The following POPDC1 variants were observed in gnomAD, a reference collection of about 807,000 sequenced individuals.
POPDC1 encodes the protein popeye domain cAMP effector 1.
At chr6:105,125,250 T>C in the POPDC1 span, 5 of 943,012 alleles carry the variant, frequency 5.3e-6, no homozygotes, top group South Asian at 4.8e-5. Flanking sequence ...AGTATAGTTG[T>C]AGCAAAAAAT....
chr6:105,119,217 T>A, the POPDC1 span, among the ~76,000 whole-genome samples: 1 of 147,300 alleles, frequency 6.8e-6, no homozygotes, highest in African/African-American at 2.5e-5. Flanking sequence ...AGTGGTAAAG[T>A]GAGCACTTTT....
chr6:105,131,758 G>A, the POPDC1 span, among the ~76,000 whole-genome samples: 2 of 152,148 alleles, frequency 1.3e-5, no homozygotes, highest in East Asian at 1.9e-4. Flanking sequence ...TGTTAGATTT[G>A]ATAATATCTT....
chr6:105,101,725 CAG>C, the POPDC1 span, among the ~76,000 whole-genome samples: 1 of 152,076 alleles, frequency 6.6e-6, no homozygotes, highest in Non-Finnish European at 1.5e-5. Context: ...GCAAAGGAGA[CAG>C]GGGAAGAGGA....
chr6:105,105,647 G>T, the POPDC1 span, among the ~76,000 whole-genome samples: 11 of 152,234 alleles, frequency 7.2e-5, no homozygotes, highest in African/African-American at 2.6e-4. Context: ...GTAAGAACAA[G>T]AAAAAGAGGG....
the POPDC1 span, among the ~76,000 whole-genome samples, chr6:105,108,098 G>A: frequency 1.3e-5 from 2 of 152,140 alleles, no homozygotes; most frequent in Admixed American, 6.5e-5. Context: ...CTAACTACTC[G>A]GATGGACCAT....
the POPDC1 span, chr6:105,115,918 T>C: frequency 4.5e-6 from 6 of 1,332,550 alleles, no homozygotes; most frequent in Non-Finnish European, 1.0e-6. Flanking sequence ...AGAAATACGT[T>C]AGTGCATTTA....
chr6:105,115,924 A>AT, the POPDC1 span: 1 of 1,282,654 alleles, frequency 7.8e-7, no homozygotes, highest in Non-Finnish European at 1.1e-6. Context: ...ACGTTAGTGC[A>AT]TTTAAAAAAA....
At chr6:105,113,814 G>A in the POPDC1 span, among the ~76,000 whole-genome samples, 1 of 80,474 alleles carries the variant, frequency 1.2e-5, no homozygotes, top group East Asian at 3.8e-4. Flanking sequence ...CACGATGCCT[G>A]GCATTTTTTT....
chr6:105,116,922 T>C, the POPDC1 span: 17 of 1,493,658 alleles, frequency 1.1e-5, no homozygotes, highest in East Asian at 4.6e-5. Context: ...ATATGAATTA[T>C]GACTATAGTG....
the POPDC1 span, among the ~76,000 whole-genome samples, chr6:105,104,536 G>A: frequency 6.6e-6 from 1 of 152,090 alleles, no homozygotes; most frequent in Non-Finnish European, 1.5e-5. Context: ...AAAAGACATG[G>A]ACATCACCTT....
chr6:105,125,381 G>C, the POPDC1 span: 1 of 1,613,738 alleles, frequency 6.2e-7, no homozygotes, highest in South Asian at 1.1e-5. Flanking sequence ...GATTTCCACA[G>C]AACACTTACT....
At chr6:105,129,964 C>A in the POPDC1 span, among the ~76,000 whole-genome samples, 2 of 151,990 alleles carry the variant, frequency 1.3e-5, no homozygotes, top group African/African-American at 4.8e-5. Flanking sequence ...ACTACCTAAG[C>A]CAAATATCAT....
At chr6:105,100,080 C>T in the POPDC1 span, 2 of 152,276 alleles carry the variant, frequency 1.3e-5, no homozygotes, top group South Asian at 4.1e-4. Flanking sequence ...TGAGTAAAAT[C>T]TGAGAGTTTT....
chr6:105,113,955 CAA>C, the POPDC1 span, among the ~76,000 whole-genome samples: 1 of 148,346 alleles, frequency 6.7e-6, no homozygotes, highest in African/African-American at 2.5e-5. Context: ...CACACACACA[CAA>C]AAAAAACAAA....
At chr6:105,113,754 G>A in the POPDC1 span, among the ~76,000 whole-genome samples, 1 of 151,616 alleles carries the variant, frequency 6.6e-6, no homozygotes, top group African/African-American at 2.4e-5. Context: ...CGAGGCGGGT[G>A]GGATCCTCCT....
the POPDC1 span, among the ~76,000 whole-genome samples, chr6:105,120,384 T>TA: frequency 3.3e-5 from 5 of 151,430 alleles, no homozygotes; most frequent in African/African-American, 1.2e-4. Flanking sequence ...TTCTACCAAA[T>TA]AGACAGTTTA....
At chr6:105,099,261 T>C in the POPDC1 span, 1 of 152,218 alleles carries the variant, frequency 6.6e-6, no homozygotes, top group East Asian at 1.9e-4. Flanking sequence ...ACCGAGCATG[T>C]AAATTTAACT....
At chr6:105,110,437 T>C in the POPDC1 span, among the ~76,000 whole-genome samples, 1 of 152,230 alleles carries the variant, frequency 6.6e-6, no homozygotes, top group Non-Finnish European at 1.5e-5. Context: ...AGCTTATTGT[T>C]TGTAAGTCTA....
the POPDC1 span, chr6:105,100,300 G>C: frequency 6.6e-6 from 1 of 151,846 alleles, no homozygotes; most frequent in Non-Finnish European, 1.5e-5. Context: ...ACGAGGTCAG[G>C]AGATCGAGAC....
Sources: allele counts gnomAD v4.1 joint callset (sites outside exome capture counted in the v4.1 genomes callset), GRCh38; gene constraint gnomAD v4.1.1; transcripts MANE v1.5; gene names NCBI Gene and HGNC (gene_info 2026-07-23, HGNC 2026-07-21).